The following NAV2 variants were observed in gnomAD, a reference collection of about 807,000 sequenced individuals.
The protein encoded by NAV2 is helicase, APC down-regulated 1.
A neutral mutation model predicts 223.2 loss-of-function variants in NAV2; 54 were observed. The observed-to-expected ratio is 0.24, with a 90% CI of 0.19 to 0.30. The LOEUF (loss-of-function observed/expected upper bound fraction) is 0.30. Among genes scored for constraint, NAV2 ranks in the 10% least tolerant of loss-of-function variants. The pLI is 1.00. For synonymous variants in NAV2, 1,279 were observed against 1,239.3 expected (o/e 1.03, Z -0.67); for missense variants, 2,806 against 3,147.5 (o/e 0.89, Z 2.60).
intron 3 of NAV2, among the ~76,000 whole-genome samples, chr11:19,848,763 A>G (rs1405011523): frequency 1.3e-5 from 2 of 152,196 alleles, no homozygotes; most frequent in Non-Finnish European, 2.9e-5. Flanking sequence ...TAAAAAACAG[A>G]CATGCCTCGG....
chr11:19,792,277 A>G (rs747599886), intron 1 of NAV2, among the ~76,000 whole-genome samples: 2 of 152,136 alleles, frequency 1.3e-5, no homozygotes, highest in East Asian at 1.9e-4. Context: ...CCCTTCTCCC[A>G]TAATTTCTTC....
intron 22 of NAV2, among the ~76,000 whole-genome samples, chr11:20,070,755 G>T (rs1309074842): frequency 1.3e-5 from 2 of 152,056 alleles, no homozygotes; most frequent in East Asian, 3.9e-4. Context: ...CACTTGATGA[G>T]TAGGCTGTTG....
intron 1 of NAV2, among the ~76,000 whole-genome samples, chr11:19,458,096 T>G (rs185145575): frequency 1.3e-5 from 2 of 152,296 alleles, no homozygotes; most frequent in East Asian, 3.9e-4. Flanking sequence ...CATCCTGCTT[T>G]CACCAGTCTG....
At chr11:19,455,935 C>T (rs1431984825) in intron 1 of NAV2, among the ~76,000 whole-genome samples, 2 of 152,214 alleles carry the variant, frequency 1.3e-5, no homozygotes, top group Admixed American at 6.5e-5. Context: ...AAGGCAGAGG[C>T]ATCCTTCCTC....
chr11:19,691,751 C>T (rs2049181485), intron 1 of NAV2, among the ~76,000 whole-genome samples: 3 of 152,276 alleles, frequency 2.0e-5, no homozygotes, highest in Middle Eastern at 3.4e-3. Flanking sequence ...AGTCCCCACT[C>T]TCACCCAGCC....
Position 19,713,779 on chromosome 11 carries a change from C to T in NAV2, c.84C>T (p.Pro28=). 1.2e-6 allele frequency: 2 copies of T among 1,612,916 alleles called. No individual in the cohort carries two copies. The highest frequency in any genetic ancestry group is 2.2e-5 in the South Asian group (2 of 90,962). The change falls in exon 1 of 38, where the codon CCC becomes CCT. Residue 28 remains proline, a synonymous_variant. Coordinates refer to ENST00000349880, the MANE Select transcript of NAV2 (RefSeq NM_145117.5). The surrounding 1 kb of genome is among the most constrained non-coding windows in gnomAD (Gnocchi z 7.2). ...GCGCCGCGCCCATCCTGCACGTGCC[C>T]CCGGCCCGGGCGGGCCCCCAGCCCT... ...VHSAAPILHV[P]PARAGPQPCY... is the part of the protein sequence containing the mutation.
At chr11:20,038,015 GACTT>G (rs1418152630) in intron 12 of NAV2, among the ~76,000 whole-genome samples, 2 of 152,118 alleles carry the variant, frequency 1.3e-5, no homozygotes, top group African/African-American at 4.8e-5. Flanking sequence ...TTCCATTTTT[GACTT>G]ACAAGGTAGG....
intron 6 of NAV2, among the ~76,000 whole-genome samples, chr11:19,902,555 G>T (rs2042535057): frequency 6.6e-6 from 1 of 152,174 alleles, no homozygotes; most frequent in African/African-American, 2.4e-5. Flanking sequence ...GATTAGTCTT[G>T]TCTCAGGAAT....
chr11:20,109,644 T>A (rs1279037816), intron 36 of NAV2, among the ~76,000 whole-genome samples: 3 of 152,298 alleles, frequency 2.0e-5, no homozygotes, highest in Middle Eastern at 3.4e-3. Flanking sequence ...GCCCAGCACC[T>A]CTGGGAAACC....
chr11:19,743,842 G>T (rs1450730366), intron 1 of NAV2, among the ~76,000 whole-genome samples: 3 of 151,796 alleles, frequency 2.0e-5, no homozygotes, highest in Non-Finnish European at 4.4e-5. Flanking sequence ...AAAGAGCCTG[G>T]AGTGTCTACT....
intron 1 of NAV2, among the ~76,000 whole-genome samples, chr11:19,524,104 C>T (rs1312633093): frequency 1.3e-5 from 2 of 152,210 alleles, no homozygotes; most frequent in Non-Finnish European, 2.9e-5. Context: ...CTCTCTATCT[C>T]CCCTGGTAGG....
At chr11:19,689,746 G>A (rs2049115194) in intron 1 of NAV2, among the ~76,000 whole-genome samples, 1 of 152,206 alleles carries the variant, frequency 6.6e-6, no homozygotes, top group South Asian at 2.1e-4. Flanking sequence ...ACTGGCATCA[G>A]CCTTGCCAAA....
At chr11:19,387,356 A>G (rs143960235) in intron 1 of NAV2, among the ~76,000 whole-genome samples, 1 of 152,234 alleles carries the variant, frequency 6.6e-6, no homozygotes, top group African/African-American at 2.4e-5. Flanking sequence ...TTAGGATGCA[A>G]TGGCATTCCG....
chr11:20,053,007 G>A (rs113086303), intron 17 of NAV2, among the ~76,000 whole-genome samples: 6 of 151,744 alleles, frequency 4.0e-5, no homozygotes, highest in Admixed American at 2.0e-4. Context: ...ACTTGAGGGC[G>A]GGAGTTCAAG....
chr11:19,878,057 G>A (rs998665313), intron 4 of NAV2, among the ~76,000 whole-genome samples: 5 of 152,106 alleles, frequency 3.3e-5, no homozygotes, highest in African/African-American at 1.2e-4. Context: ...CTGAGGGGCT[G>A]GCCCACCCCT....
chr11:19,889,079 G>A (rs1430925896), intron 5 of NAV2, among the ~76,000 whole-genome samples: 1 of 152,168 alleles, frequency 6.6e-6, no homozygotes, highest in African/African-American at 2.4e-5. Context: ...TCAGGTTCTT[G>A]TGGTCACCTT....
At chr11:19,703,412 T>G (rs187739008) in intron 1 of NAV2, among the ~76,000 whole-genome samples, 2 of 152,286 alleles carry the variant, frequency 1.3e-5, no homozygotes, top group Admixed American at 1.3e-4. Flanking sequence ...ATGACAGCAG[T>G]AACCAAAAGA....
intron 1 of NAV2, among the ~76,000 whole-genome samples, chr11:19,731,736 A>AT (rs2152418951): frequency 1.3e-5 from 2 of 152,290 alleles, no homozygotes; most frequent in African/African-American, 4.8e-5. Context: ...TTGAGCCTTG[A>AT]TTTTCCTTAT....
chr11:19,624,251 A>G (rs970690705), intron 1 of NAV2, among the ~76,000 whole-genome samples: 1 of 152,156 alleles, frequency 6.6e-6, no homozygotes, highest in Non-Finnish European at 1.5e-5. Context: ...CCGTTCTCAG[A>G]TTTCAAACTC....
Sources: gnomAD v4.1 joint callset for allele counts (sites outside exome capture counted in the v4.1 genomes callset) on GRCh38, gnomAD v4.1.1 for gene constraint, Gnocchi (gnomAD v3.1) non-coding constraint, MANE v1.5 for transcripts, NCBI Gene and HGNC (gene_info 2026-07-23, HGNC 2026-07-21) for gene names.